The following PCDHGA5 variants were observed in gnomAD, a reference collection of about 807,000 sequenced individuals.
PCDHGA5 encodes the protein protocadherin gamma-A5.
A neutral mutation model predicts 56.7 loss-of-function variants in PCDHGA5; 36 were observed. The observed-to-expected ratio is 0.64, with a 90% confidence interval of 0.49 to 0.84. The LOEUF is 0.84. Among genes scored for constraint, PCDHGA5 ranks in the 40% least tolerant of loss-of-function variants. The pLI is 0.00. For missense variants in PCDHGA5, 1,305 were observed against 1,201.5 expected, an observed-to-expected ratio of 1.09 and a Z score of -1.27; for synonymous variants, 563 against 520.2, an observed-to-expected ratio of 1.08 and a Z score of -1.12.
At chr5:141,373,996 C>A in intron 1 of PCDHGA5, 1 of 1,266,244 alleles carries the variant, frequency 7.9e-7, no homozygotes, top group South Asian at 2.2e-5. Context: ...TGTTGAAGGA[C>A]CTTCACCGCT....
chr5:141,486,894 C>T lies in PCDHGA5; in HGVS notation c.2422-7913C>T. 1 of 1,614,228 alleles carries T rather than the reference C, an allele frequency of 6.2e-7. No homozygotes were observed. Among genetic ancestry groups the T allele is most frequent in the Non-Finnish European group, 8.5e-7 (1 of 1,180,052 alleles). On this transcript the variant is annotated intron_variant, in intron 1 of 3. Transcript: ENST00000518069. The surrounding 1 kb of genome is among the most constrained non-coding windows in gnomAD (Gnocchi z 5.0). ...CTCCGTCCTCGGGCCCGGCCTGGTT[C>T]CTTATGTCCCCAAGCACTGCCTCCA...
At chr5:141,398,254 A>C (rs868152545) in intron 1 of PCDHGA5, 1 of 1,465,852 alleles carries the variant, frequency 6.8e-7, no homozygotes, top group East Asian at 2.5e-5. Context: ...GGAAATGCCC[A>C]AGGGCTCCGT....
chr5:141,415,907 T>C, intron 1 of PCDHGA5: 1 of 779,592 alleles, frequency 1.3e-6, no homozygotes. Context: ...CAGACTTCCA[T>C]ACAGAAGTGC....
chr5:141,444,410 A>G (rs2098435910), intron 1 of PCDHGA5, among the ~76,000 whole-genome samples: 1 of 151,922 alleles, frequency 6.6e-6, no homozygotes, highest in African/African-American at 2.4e-5. Flanking sequence ...ACCTCAGGTG[A>G]TCTTCCCTCC....
Position 141,469,939 on chromosome 5 carries a change from T to G in PCDHGA5, c.2422-24868T>G, listed in dbSNP as rs1376169822. Among the ~76,000 whole-genome samples, 3 of 152,186 alleles carry G rather than the reference T, an allele frequency of 2.0e-5. No individual in the cohort carries two copies. The East Asian group carries it at 5.8e-4, about 29-fold the overall frequency. On this transcript the variant is annotated intron_variant, in intron 1 of 3. Transcript: ENST00000518069. ...CGAGGTCAGGAGTTTGAGACCAGCC[T>G]GGCCAGCATGGTGAAACCCCATCTG...
At chr5:141,393,000 G>C (rs772046833) in intron 1 of PCDHGA5, 5 of 1,613,856 alleles carry the variant, frequency 3.1e-6, no homozygotes, top group African/African-American at 1.3e-5. Context: ...GGCGAAGCAC[G>C]GAGTCCGTAT....
At chr5:141,380,758 T>C (rs1382076690) in intron 1 of PCDHGA5, among the ~76,000 whole-genome samples, 1 of 152,222 alleles carries the variant, frequency 6.6e-6, no homozygotes, top group Non-Finnish European at 1.5e-5. Flanking sequence ...CAAGACACTA[T>C]AAATTAATTG....
chr5:141,418,635 C>G, intron 1 of PCDHGA5: 1 of 1,614,018 alleles, frequency 6.2e-7, no homozygotes. Flanking sequence ...CCTCCAGGCA[C>G]CTCCATCCTG....
At chr5:141,502,288 G>C (rs2099813700) in intron 2 of PCDHGA5, among the ~76,000 whole-genome samples, 1 of 151,338 alleles carries the variant, frequency 6.6e-6, no homozygotes, top group African/African-American at 2.5e-5. Flanking sequence ...ATTGCATTTG[G>C]TTGTCACGTC....
At chr5:141,384,610 G>A in intron 1 of PCDHGA5, 1 of 1,614,238 alleles carries the variant, frequency 6.2e-7, no homozygotes, top group Non-Finnish European at 8.5e-7. Context: ...CCCCACAGAT[G>A]GTTCTACTGG....
At position 141,493,157 on chromosome 5, in the gene PCDHGA5, T is replaced by C. The variant is rs1261889479; in HGVS notation, c.2422-1650T>C. ...TTGAAACACCCCCAGGTGATTTTGATAGCTGATTGAGAGAAACTTACTATA... is the reference window on the plus strand; with the variant it reads ...TTGAAACACCCCCAGGTGATTTTGACAGCTGATTGAGAGAAACTTACTATA... On this transcript the variant is annotated intron_variant, in intron 1 of 3. Coordinates refer to ENST00000518069, the MANE Select transcript of PCDHGA5 (RefSeq NM_018918.3). This position sits in a 1 kb window ranked among gnomAD's most constrained non-coding sequence, Gnocchi z 4.3. 2.0e-5 allele frequency among the ~76,000 whole-genome samples: 3 copies of C among 152,224 alleles called. No individual in the cohort carries two copies. Among genetic ancestry groups the C allele is most frequent in the Admixed American group, 6.5e-5 (1 of 15,286 alleles).
intron 1 of PCDHGA5, among the ~76,000 whole-genome samples, chr5:141,369,797 C>G (rs1238211646): frequency 6.6e-6 from 1 of 152,214 alleles, no homozygotes; most frequent in East Asian, 1.9e-4. Context: ...ACTACGTCTT[C>G]TGCCATCACC....
chr5:141,509,346 G>A (rs946395640), intron 3 of PCDHGA5, among the ~76,000 whole-genome samples: 7 of 152,194 alleles, frequency 4.6e-5, no homozygotes, highest in Non-Finnish European at 8.8e-5. Flanking sequence ...GCCTGGGCTG[G>A]CCTGGGCATC....
rs1357530807 is a variant in PCDHGA5, at chr5:141,365,228, G to A, written c.898G>A (p.Glu300Lys). The change falls in exon 1 of 4, where the codon GAA becomes AAA. Residue 300 changes from glutamate (E) to lysine (K), a missense_variant. Coordinates refer to ENST00000518069, the MANE Select transcript of PCDHGA5 (RefSeq NM_018918.3). ...ETFQLDSNLG[E>K]ISTLQSLDYE... ...TTTCCAACTTGATTCCAACCTGGGG[G>A]AAATCTCAACTCTACAATCACTGGA... 2.5e-6 allele frequency: 4 copies of A among 1,613,942 alleles called. No homozygotes were observed. In the South Asian group the frequency reaches 3.3e-5, roughly 13 times the overall value.
intron 1 of PCDHGA5, among the ~76,000 whole-genome samples, chr5:141,425,919 G>A (rs11167745): frequency 2.0e-5 from 3 of 152,174 alleles, no homozygotes; most frequent in East Asian, 1.9e-4. Flanking sequence ...CAGTCACTAC[G>A]AAAACTCATA....
At position 141,477,879 on chromosome 5, in the gene PCDHGA5, A is replaced by T. The variant is rs932363258; in HGVS notation, c.2422-16928A>T. The T allele has an allele frequency of 3.4e-5, 55 of 1,614,060 alleles. No homozygotes were observed. The highest frequency in any genetic ancestry group is 4.6e-5 in the Non-Finnish European group (54 of 1,180,034). ...CTGCCTCGAGGTACCTCAGCTGGCCACCTAGTGTCACGGGTGGTAGGCTGG... is the reference window on the plus strand; with the variant it reads ...CTGCCTCGAGGTACCTCAGCTGGCCTCCTAGTGTCACGGGTGGTAGGCTGG... On this transcript the variant is annotated intron_variant, in intron 1 of 3. Coordinates refer to ENST00000518069, the MANE Select transcript of PCDHGA5 (RefSeq NM_018918.3). This position sits in a 1 kb window ranked among gnomAD's most constrained non-coding sequence, Gnocchi z 4.9.
intron 1 of PCDHGA5, among the ~76,000 whole-genome samples, chr5:141,488,190 G>A (rs1162264945): frequency 1.3e-5 from 2 of 152,164 alleles, no homozygotes; most frequent in African/African-American, 4.8e-5. Flanking sequence ...CTTTTGGTCT[G>A]GGTCTTAGGA....
At chr5:141,409,776 T>C in intron 1 of PCDHGA5, 1 of 1,612,708 alleles carries the variant, frequency 6.2e-7, no homozygotes, top group Non-Finnish European at 8.5e-7. Context: ...CACGAGCAGC[T>C]GCGCGCCTTC....
chr5:141,440,535 G>C (rs1305958587), intron 1 of PCDHGA5: 1 of 152,154 alleles, frequency 6.6e-6, no homozygotes, highest in African/African-American at 2.4e-5. Flanking sequence ...CATGCACCAC[G>C]GTTCAGCAGG....
Sources: gnomAD v4.1 joint callset for allele counts (sites outside exome capture counted in the v4.1 genomes callset) on GRCh38, gnomAD v4.1.1 for gene constraint, Gnocchi (gnomAD v3.1) non-coding constraint, MANE v1.5 for transcripts, NCBI Gene and HGNC (gene_info 2026-07-23, HGNC 2026-07-21) for gene names.